The following SGCZ variants were observed in gnomAD, a reference collection of about 807,000 sequenced individuals.
SGCZ encodes the protein sarcoglycan zeta.
In SGCZ, 40 loss-of-function variants were observed where a neutral mutation model predicts 41.3. The observed-to-expected ratio is 0.97, with a 90% CI of 0.75 to 1.26. SGCZ has a LOEUF of 1.26. SGCZ is among the 50% of genes most tolerant of loss of function. The pLI is 0.00. For synonymous variants in SGCZ, 206 were observed against 137.5 expected, an observed-to-expected ratio of 1.50 and a Z score of -3.49; for missense variants, 552 against 369.8, an observed-to-expected ratio of 1.49 and a Z score of -4.04.
At chr8:14,248,821 C>A (rs1158889460) in intron 3 of SGCZ, among the ~76,000 whole-genome samples, 1 of 151,712 alleles carries the variant, frequency 6.6e-6, no homozygotes, top group East Asian at 1.9e-4. Context: ...ATTAGGGCCA[C>A]ATATTTAGTT....
intron 1 of SGCZ, among the ~76,000 whole-genome samples, chr8:14,892,676 T>C (rs1805058769): frequency 6.6e-6 from 1 of 150,966 alleles, no homozygotes; most frequent in South Asian, 2.1e-4. Flanking sequence ...CAAACTTCCA[T>C]GGAACTAAGT....
chr8:14,702,812 GGTAGATAGATAGATAGA>G (rs1809189765), intron 1 of SGCZ, among the ~76,000 whole-genome samples: 5 of 118,260 alleles, frequency 4.2e-5, no homozygotes, highest in African/African-American at 1.5e-4. Context: ...TAGGTAGTTA[GGTAGATAGATAGATAGA>G]TAGATAGATA....
chr8:14,634,745 T>C (rs1373400827), intron 1 of SGCZ, among the ~76,000 whole-genome samples: 2 of 151,942 alleles, frequency 1.3e-5, no homozygotes, highest in Admixed American at 1.3e-4. Context: ...AAACTTTTCC[T>C]GACTTTTCTA....
intron 1 of SGCZ, among the ~76,000 whole-genome samples, chr8:15,173,753 G>T (rs1799917444): frequency 6.6e-6 from 1 of 152,112 alleles, no homozygotes. Flanking sequence ...TTCGTTAGCA[G>T]ATTCATTCAT....
intron 2 of SGCZ, among the ~76,000 whole-genome samples, chr8:14,514,373 T>G (rs935851477): frequency 1.3e-5 from 2 of 152,006 alleles, no homozygotes; most frequent in African/African-American, 2.4e-5. Context: ...CTACTTAATT[T>G]CCTTGACTTT....
chr8:15,126,827 A>G (rs1463522911), intron 1 of SGCZ, among the ~76,000 whole-genome samples: 1 of 152,130 alleles, frequency 6.6e-6, no homozygotes, highest in African/African-American at 2.4e-5. Flanking sequence ...ATAATAGCCA[A>G]TTTGACAGAG....
At chr8:14,609,096 T>C (rs1480102046) in intron 1 of SGCZ, among the ~76,000 whole-genome samples, 1 of 152,190 alleles carries the variant, frequency 6.6e-6, no homozygotes, top group South Asian at 2.1e-4. Context: ...TTAAACCTTT[T>C]AGTTAATTAT....
At chr8:15,059,246 T>A (rs1415135501) in intron 1 of SGCZ, among the ~76,000 whole-genome samples, 1 of 152,214 alleles carries the variant, frequency 6.6e-6, no homozygotes, top group Non-Finnish European at 1.5e-5. Flanking sequence ...ATAATTATTC[T>A]AAACTAACAA....
chr8:14,999,942 C>T (rs1055127083), intron 1 of SGCZ, among the ~76,000 whole-genome samples: 7 of 152,094 alleles, frequency 4.6e-5, no homozygotes, highest in Non-Finnish European at 1.0e-4. Flanking sequence ...CCTTCTTCCG[C>T]CTACACCCCA....
Position 14,164,614 on chromosome 8 carries a change from C to T in SGCZ, c.513G>A (p.Glu171=). 2 of 1,613,546 alleles carry T rather than the reference C, an allele frequency of 1.2e-6. No individual in the cohort carries two copies. Among genetic ancestry groups the T allele is most frequent in the East Asian group, 4.5e-5 (2 of 44,844 alleles). ...TCAGCTTTTCAGCCCCAATGGTAAT[C>T]TCATCTTCATCTGCAGAAAACAGCA... is the stretch of plus-strand genomic sequence containing the variant. ...GRVLFSADED[E]ITIGAEKLKV... Residue 171 remains glutamate, a synonymous_variant, in exon 5 of 8, where the codon GAG becomes GAA. Coordinates refer to ENST00000382080, the MANE Select transcript of SGCZ (RefSeq NM_139167.4).
chr8:14,955,928 C>T (rs1311807832), intron 1 of SGCZ, among the ~76,000 whole-genome samples: 1 of 151,854 alleles, frequency 6.6e-6, no homozygotes, highest in Non-Finnish European at 1.5e-5. Flanking sequence ...CAATATTTTG[C>T]TGCATAGTTA....
At chr8:14,956,039 C>CTTTTTTTTTT (rs71884770) in intron 1 of SGCZ, among the ~76,000 whole-genome samples, 2 of 120,222 alleles carry the variant, frequency 1.7e-5, no homozygotes, top group African/African-American at 3.2e-5. Flanking sequence ...ACTACTTTTA[C>CTTTTTTTTTT]TTTTTTTTTT....
At chr8:14,204,314 A>G (rs1805550455) in intron 4 of SGCZ, among the ~76,000 whole-genome samples, 1 of 148,192 alleles carries the variant, frequency 6.7e-6, no homozygotes, top group African/African-American at 2.5e-5. Context: ...GCTAACACCC[A>G]TGTCTCCCCT....
chr8:14,517,254 C>G (rs1281139025), intron 2 of SGCZ, among the ~76,000 whole-genome samples: 1 of 152,020 alleles, frequency 6.6e-6, no homozygotes, highest in African/African-American at 2.4e-5. Flanking sequence ...ATCATAAGAA[C>G]ATCTTTGACT....
chr8:14,518,196 T>C (rs984763383), intron 2 of SGCZ, among the ~76,000 whole-genome samples: 1 of 151,852 alleles, frequency 6.6e-6, no homozygotes, highest in Non-Finnish European at 1.5e-5. Flanking sequence ...TAAGGGAAGA[T>C]TTTTAATAAA....
At chr8:14,475,941 T>C (rs1477459704) in intron 2 of SGCZ, among the ~76,000 whole-genome samples, 2 of 152,002 alleles carry the variant, frequency 1.3e-5, no homozygotes, top group Non-Finnish European at 2.9e-5. Context: ...ACTCAAGATA[T>C]CATCCCACTA....
chr8:14,562,249 G>T (rs952513724), intron 1 of SGCZ, among the ~76,000 whole-genome samples: 2 of 152,206 alleles, frequency 1.3e-5, no homozygotes, highest in South Asian at 2.1e-4. Flanking sequence ...ATTCAGGACT[G>T]GGAATAGTAG....
At chr8:14,399,787 TAACA>T (rs1056815138) in intron 2 of SGCZ, among the ~76,000 whole-genome samples, 1 of 152,196 alleles carries the variant, frequency 6.6e-6, no homozygotes, top group Non-Finnish European at 1.5e-5. Context: ...TTCAAAGGAC[TAACA>T]AATAGCTGAT....
At chr8:15,055,613 C>T (rs1336758244) in intron 1 of SGCZ, among the ~76,000 whole-genome samples, 1 of 152,182 alleles carries the variant, frequency 6.6e-6, no homozygotes, top group Non-Finnish European at 1.5e-5. Context: ...GAGCCTGGGA[C>T]CCCCTTTGCC....
Sources: gnomAD v4.1 joint callset for allele counts (sites outside exome capture counted in the v4.1 genomes callset) on GRCh38, gnomAD v4.1.1 for gene constraint, MANE v1.5 for transcripts, NCBI Gene and HGNC (gene_info 2026-07-23, HGNC 2026-07-21) for gene names.